The following GLI3 variants were observed in gnomAD, a reference collection of about 807,000 sequenced individuals.
The protein encoded by GLI3 is transcription activator GLI3.
GLI3 carries 20 observed loss-of-function variants against 100.8 expected under a neutral mutation model. The ratio of observed to expected loss-of-function variants is 0.20; its 90% CI spans 0.14 to 0.29. The LOEUF is 0.29. GLI3 is among the 10% of genes least tolerant of loss of function. GLI3 has a pLI of 1.00. For missense variants in GLI3, 2,040 were observed against 2,128.5 expected (o/e 0.96, Z 0.82); for synonymous variants, 938 against 860.5 (o/e 1.09, Z -1.58).
intron 3 of GLI3, among the ~76,000 whole-genome samples, chr7:42,102,533 C>T (rs924768751): frequency 5.9e-5 from 9 of 152,208 alleles, no homozygotes; most frequent in African/African-American, 2.2e-4. Flanking sequence ...GCATGTAACC[C>T]AATAGCCCTG....
At chr7:42,012,488 G>A (rs956255097) in intron 10 of GLI3, among the ~76,000 whole-genome samples, 2 of 152,090 alleles carry the variant, frequency 1.3e-5, no homozygotes, top group African/African-American at 4.8e-5. Context: ...TTCACGTTAA[G>A]CAATTTCACA....
At chr7:42,032,587 T>C (rs1041278129) in intron 7 of GLI3, among the ~76,000 whole-genome samples, 1 of 152,202 alleles carries the variant, frequency 6.6e-6, no homozygotes, top group African/African-American at 2.4e-5. Context: ...GAAAAGCCTA[T>C]GTTTTTTAAA....
intron 3 of GLI3, among the ~76,000 whole-genome samples, chr7:42,109,409 T>C (rs1157310342): frequency 1.3e-5 from 2 of 152,198 alleles, no homozygotes; most frequent in Non-Finnish European, 2.9e-5. Context: ...CCCCATGGGC[T>C]ATAATAAGAT....
At position 42,172,646 on chromosome 7, in the gene GLI3, C is replaced by G. The variant is rs766145561; in HGVS notation, c.125-24178G>C. On this transcript the variant is annotated intron_variant, in intron 2 of 14. Transcript: ENST00000395925. ...GATGGACAGCGCGGATGCATCCAATCCTCCTGGTCCAGCCTCTGGCCTGGG... is the reference window on the plus strand; with the variant it reads ...GATGGACAGCGCGGATGCATCCAATGCTCCTGGTCCAGCCTCTGGCCTGGG... 21 of 702,970 alleles carry G rather than the reference C, an allele frequency of 3.0e-5. No homozygotes were observed. The South Asian group carries it at 3.1e-4, about 10-fold the overall frequency. 43.5% of individuals were successfully genotyped at this position (702,970 alleles called of 1,614,324 possible). A position where few individuals can be genotyped will look rare whatever the true frequency, so the allele number is the denominator to read the frequency against.
chr7:42,068,019 T>C (rs1784710024), intron 4 of GLI3, among the ~76,000 whole-genome samples: 1 of 152,240 alleles, frequency 6.6e-6, no homozygotes, highest in Admixed American at 6.5e-5. Flanking sequence ...TAAAAACCTA[T>C]GGCTTTGGGT....
At chr7:42,034,159 G>A (rs185110622) in intron 7 of GLI3, among the ~76,000 whole-genome samples, 3 of 152,186 alleles carry the variant, frequency 2.0e-5, no homozygotes, top group Non-Finnish European at 2.9e-5. Flanking sequence ...TGCATAATCC[G>A]TTTCTTCAAA....
intron 3 of GLI3, among the ~76,000 whole-genome samples, chr7:42,085,681 G>C (rs982060125): frequency 6.6e-6 from 1 of 152,146 alleles, no homozygotes; most frequent in Non-Finnish European, 1.5e-5. Flanking sequence ...GCCAGGGCAG[G>C]GAAACCCAGG....
rs141177795 is a variant in GLI3 at position 42,058,074 on chromosome 7, T to TA, written c.474-9379dup. Among the ~76,000 whole-genome samples the TA allele has an allele frequency of 2.2e-3, 338 of 151,866 alleles. 8 individuals are homozygous for TA. In the East Asian group the frequency reaches 0.046, roughly 21 times the overall value. Reference sequence around the variant, plus strand: ...ATATGTAATAAAAAAGCTTTAAAAATAAAAAATATGTGATAAATAAAATGG... The same window carrying TA: ...ATATGTAATAAAAAAGCTTTAAAAATAAAAAAATATGTGATAAATAAAATGG... On this transcript the variant is annotated intron_variant, in intron 4 of 14. Transcript: ENST00000395925.
chr7:42,045,331 T>G, intron 6 of GLI3, 53 bp downstream of exon 6: 1 of 1,522,284 alleles, frequency 6.6e-7, no homozygotes, highest in South Asian at 1.1e-5. Flanking sequence ...CTCTGTTTCA[T>G]AAAGTTGCCT....
rs1229812849 is a variant in GLI3, at chr7:41,961,242, A to C, written c.*3088T>G. 6.6e-6 allele frequency: 1 copy of C among 152,644 alleles called. No homozygotes were observed. Among genetic ancestry groups the C allele is most frequent in the South Asian group, 2.1e-4 (1 of 4,828 alleles). 9.5% of individuals were successfully genotyped at this position (152,644 alleles called of 1,614,324 possible). A position where few individuals can be genotyped will look rare whatever the true frequency, so the allele number is the denominator to read the frequency against. On this transcript the variant is annotated 3_prime_UTR_variant, in exon 15 of 15. Transcript: ENST00000395925. ...AATCTAAAAAAGGTGAAAAAAATGA[A>C]CTTGTATTTTATTTTACATGTCTGC...
At chr7:42,073,440 G>A (rs1419410034) in intron 4 of GLI3, among the ~76,000 whole-genome samples, 1 of 152,176 alleles carries the variant, frequency 6.6e-6, no homozygotes, top group Non-Finnish European at 1.5e-5. Context: ...AACAAAGGCA[G>A]GTTAATTTGT....
chr7:41,995,866 A>G (rs867880976), intron 10 of GLI3, among the ~76,000 whole-genome samples: 10 of 152,210 alleles, frequency 6.6e-5, no homozygotes, highest in African/African-American at 2.4e-4. Context: ...TACTTGATAC[A>G]TATTCCAAGA....
intron 1 of GLI3, among the ~76,000 whole-genome samples, chr7:42,247,447 G>A (rs1009346522): frequency 4.6e-5 from 7 of 152,174 alleles, no homozygotes; most frequent in African/African-American, 1.7e-4. Flanking sequence ...CTAGTGTATT[G>A]AGAGACAGCA....
intron 10 of GLI3, among the ~76,000 whole-genome samples, chr7:42,016,728 C>T (rs1788775988): frequency 6.6e-6 from 1 of 151,974 alleles, no homozygotes; most frequent in Admixed American, 6.6e-5. Flanking sequence ...TCATCATCAC[C>T]ACCATCATCA....
Position 41,964,705 on chromosome 7 carries a change from T to C in GLI3, c.4368A>G (p.Lys1456=). Reference sequence around the variant, plus strand: ...CGTCTGAAATAGAGAATGAACCAGCTTTCGTGTCTTGCTGACTGAAGCCCA... The same window carrying C: ...CGTCTGAAATAGAGAATGAACCAGCCTTCGTGTCTTGCTGACTGAAGCCCA... ...QTVGFSQQDT[K]AGSFSISDAS... The change falls in exon 15 of 15, where the codon AAA becomes AAG. Residue 1456 remains lysine, a synonymous_variant. Transcript: ENST00000395925. 1 of 1,614,206 alleles carries C rather than the reference T, an allele frequency of 6.2e-7. No homozygotes were observed. The highest frequency in any genetic ancestry group is 8.5e-7 in the Non-Finnish European group (1 of 1,180,024).
intron 9 of GLI3, 74 bp from the exon 10 acceptor site, chr7:42,023,682 G>A (rs773289785): frequency 4.2e-6 from 6 of 1,441,732 alleles, no homozygotes; most frequent in Admixed American, 3.4e-5. Flanking sequence ...AAGACAAGAA[G>A]AGAAAGTAAA....
intron 3 of GLI3, among the ~76,000 whole-genome samples, chr7:42,109,514 AG>A (rs1456046516): frequency 4.6e-5 from 7 of 152,216 alleles, no homozygotes; most frequent in Non-Finnish European, 7.3e-5. Flanking sequence ...CTGCCCTTGA[AG>A]CCACACAATC....
intron 2 of GLI3, among the ~76,000 whole-genome samples, chr7:42,154,980 A>AAGCTG (rs1459824414): frequency 3.3e-5 from 5 of 152,190 alleles, no homozygotes; most frequent in Non-Finnish European, 5.9e-5. Flanking sequence ...TTTGTTTGCA[A>AAGCTG]CCTTTAAACT....
At chr7:42,034,767 C>A (rs983402352) in intron 7 of GLI3, among the ~76,000 whole-genome samples, 5 of 152,152 alleles carry the variant, frequency 3.3e-5, no homozygotes, top group Admixed American at 1.3e-4. Context: ...TCCTTTACAG[C>A]ACTGACCAGA....
Sources: allele counts gnomAD v4.1 joint callset (sites outside exome capture counted in the v4.1 genomes callset), GRCh38; gene constraint gnomAD v4.1.1; transcripts MANE v1.5; gene names NCBI Gene and HGNC (gene_info 2026-07-23, HGNC 2026-07-21).